Variants in TOM1 observed in about 807,000 individuals in gnomAD.
The protein encoded by TOM1 is target of Myb protein 1.
In TOM1, 38 loss-of-function variants were observed where a neutral mutation model predicts 61.3. The observed-to-expected ratio is 0.62, with a 90% CI of 0.48 to 0.81. The LOEUF (loss-of-function observed/expected upper bound fraction) is 0.81, where lower values mean the gene tolerates loss of function less well. TOM1 is among the 40% of genes least tolerant of loss of function. The probability of loss-of-function intolerance (pLI) is 0.00; values close to 1 mark genes in which losing one functional copy is unlikely to be tolerated. For synonymous variants in TOM1, 270 were observed against 268.8 expected, an observed-to-expected ratio of 1.00 and a Z score of -0.04; for missense variants, 591 against 659.6, an observed-to-expected ratio of 0.90 and a Z score of 1.14.
Position 35,322,616 on chromosome 22 carries a change from G to A in TOM1, c.217-412G>A, listed in dbSNP as rs765005954. 78 of 198,400 alleles carry A rather than the reference G, an allele frequency of 3.9e-4. 1 individual carries two copies. Among genetic ancestry groups the A allele is most frequent in the Admixed American group, 4.0e-4 (7 of 17,340 alleles). The allele number at this position is 198,400 out of a possible 1,614,324, so 12.3% of individuals were successfully genotyped here. A position where few individuals can be genotyped will look rare whatever the true frequency, so the allele number is the denominator to read the frequency against. On this transcript the variant is annotated intron_variant, in intron 3 of 14. Coordinates refer to ENST00000449058, the MANE Select transcript of TOM1 (RefSeq NM_005488.3). ...GCAAAAAGCAAAGGCAATTCCTGCAGTGGGAAGTGGAGAGTGGGGAGGGAA... is the reference window on the plus strand; with the variant it reads ...GCAAAAAGCAAAGGCAATTCCTGCAATGGGAAGTGGAGAGTGGGGAGGGAA...
chr22:35,345,201 GC>G (rs1218528556), intron 12 of TOM1: 1 of 167,666 alleles, frequency 6.0e-6, no homozygotes, highest in African/African-American at 2.4e-5. Context: ...CTGCTCTCAG[GC>G]CCTGCTATGC....
intron 1 of TOM1, among the ~76,000 whole-genome samples, chr22:35,308,060 C>G (rs1263480513): frequency 6.6e-6 from 1 of 152,196 alleles, no homozygotes; most frequent in African/African-American, 2.4e-5. Context: ...CTCCCCAGAA[C>G]AAGAGGGAAC....
intron 8 of TOM1, among the ~76,000 whole-genome samples, chr22:35,332,606 AT>A (rs1240760550): frequency 4.7e-5 from 1 of 21,150 alleles, no homozygotes; most frequent in Non-Finnish European, 9.5e-5. Context: ...ACACACACAC[AT>A]ACACACACAC....
intron 8 of TOM1, 67 bp from the exon 9 acceptor site, chr22:35,332,914 C>T (rs1218497835): frequency 3.3e-6 from 5 of 1,534,342 alleles, no homozygotes; most frequent in Non-Finnish European, 3.6e-6. Context: ...TTGAAAAGCT[C>T]TGCCTGGCCG....
At chr22:35,301,686 G>T (rs898828713) in intron 1 of TOM1, among the ~76,000 whole-genome samples, 30 of 152,190 alleles carry the variant, frequency 2.0e-4, no homozygotes, top group Middle Eastern at 3.4e-3. Flanking sequence ...CGTGGCTGTC[G>T]GTGGCTCTTC....
intron 1 of TOM1, among the ~76,000 whole-genome samples, chr22:35,304,933 G>A (rs141207336): frequency 6.6e-6 from 1 of 152,254 alleles, no homozygotes; most frequent in Non-Finnish European, 1.5e-5. Flanking sequence ...CTGGGGATGA[G>A]CCTCAGTGGT....
chr22:35,327,377 A>T lies in TOM1; in HGVS notation c.755A>T (p.Glu252Val). 1 of 1,612,360 alleles carries T rather than the reference A, an allele frequency of 6.2e-7. No homozygotes were observed. Among genetic ancestry groups the T allele is most frequent in the East Asian group, 2.2e-5 (1 of 44,872 alleles). Residue 252 changes from glutamate (E) to valine (V), a missense_variant, in exon 7 of 15, where the codon GAG becomes GTG. Glu to Val is a moderately radical substitution (Grantham distance 121). Coordinates refer to ENST00000449058, the MANE Select transcript of TOM1 (RefSeq NM_005488.3). ...ACCCAGGCCGAGCCCGCAGACCTGGAGCTGCTGCAGGTGAGCAGGTGGCAC... is the reference window on the plus strand; with the variant it reads ...ACCCAGGCCGAGCCCGCAGACCTGGTGCTGCTGCAGGTGAGCAGGTGGCAC... ...VPTQAEPADL[E>V]LLQELNRTCR...
rs146476454 is a variant in TOM1, at chr22:35,323,907, C to T, written c.641C>T (p.Pro214Leu). 32 of 1,563,172 alleles carry T rather than the reference C, an allele frequency of 2.0e-5. No homozygotes were observed. The highest frequency in any genetic ancestry group is 1.7e-4 in the South Asian group (14 of 83,480). Residue 214 changes from proline to leucine, a missense_variant, in exon 6 of 15, where the codon CCG (proline) becomes CTG (leucine). Physicochemically the swap from Pro to Leu is moderately conservative, Grantham distance 98. Coordinates refer to ENST00000449058, the MANE Select transcript of TOM1 (RefSeq NM_005488.3). This position sits in a 1 kb window ranked among gnomAD's most constrained non-coding sequence, Gnocchi z 4.2. The stretch of plus-strand genomic sequence containing the variant: ...GGTGACACGCCCATAGCACCAACCC[C>T]GGAACAGGTAAACGAGCCTGGGGTC... ...LSGDTPIAPT[P>L]EQIGKLRSEL...
chr22:35,323,189 G>T lies in TOM1; in HGVS notation c.366+12G>T, dbSNP rs369114634. On this transcript the variant is annotated intron_variant, in intron 4 of 14. Transcript: ENST00000449058. The surrounding 1 kb of genome is among the most constrained non-coding windows in gnomAD (Gnocchi z 4.2). ...TCAACCTCATCCAGGTGAGTGCCAG[G>T]ACAGGGCAGGGCACGGCCAGGAAGA... 1.4e-4 allele frequency: 226 copies of T among 1,612,910 alleles called. No individual in the cohort carries two copies. Among genetic ancestry groups the T allele is most frequent in the Non-Finnish European group, 1.8e-4 (217 of 1,179,978 alleles).
intron 12 of TOM1, among the ~76,000 whole-genome samples, chr22:35,340,567 G>A (rs1203473318): frequency 6.6e-6 from 1 of 152,020 alleles, no homozygotes; most frequent in Non-Finnish European, 1.5e-5. Context: ...GGCAACATGG[G>A]GAAACCCCAT....
chr22:35,317,246 G>A (rs1178883427), intron 1 of TOM1, among the ~76,000 whole-genome samples: 1 of 152,190 alleles, frequency 6.6e-6, no homozygotes, highest in Non-Finnish European at 1.5e-5. Context: ...CCAGGCTGGA[G>A]TGTGATGGCT....
chr22:35,345,538 G>A (rs1930431498), intron 12 of TOM1, 187 bp from the exon 13 acceptor site: 1 of 628,166 alleles, frequency 1.6e-6, no homozygotes, highest in Admixed American at 2.5e-5. Flanking sequence ...CCCCTGCTTA[G>A]TCTCCTGGCT....
At chr22:35,346,793 G>T in intron 13 of TOM1, 137 bp from the exon 14 acceptor site, 1 of 775,990 alleles carries the variant, frequency 1.3e-6, no homozygotes, top group Non-Finnish European at 2.1e-6. Flanking sequence ...CTGGGACCTG[G>T]GTGGTGGGGG....
intron 13 of TOM1, 47 bp downstream of exon 13, chr22:35,345,831 T>C (rs2145737681): frequency 6.3e-7 from 1 of 1,599,556 alleles, no homozygotes; most frequent in East Asian, 2.2e-5. Context: ...GGACCCGTTG[T>C]TCTCACCAAG....
At chr22:35,336,999 G>A (rs1929403285) in intron 11 of TOM1, among the ~76,000 whole-genome samples, 1 of 150,354 alleles carries the variant, frequency 6.7e-6, no homozygotes, top group Non-Finnish European at 1.5e-5. Flanking sequence ...GGAGTGCAGT[G>A]GCGCTTGCAG....
At chr22:35,318,231 C>G (rs1030316314) in intron 2 of TOM1, 1 of 545,384 alleles carries the variant, frequency 1.8e-6, no homozygotes, top group Non-Finnish European at 3.3e-6. Flanking sequence ...GGAAGCCCAG[C>G]CTTGTGTGCA....
In TOM1 at chr22:35,323,645, G is replaced by C. The variant is rs767625095; in HGVS notation, c.501+15G>C. ...CACCCCAGAGGGTGAGAGAACTGCC[G>C]TACCGGGAACCAAGGGAAGGGAGGC... On this transcript the variant is annotated intron_variant, in intron 5 of 14. Coordinates refer to ENST00000449058, the MANE Select transcript of TOM1 (RefSeq NM_005488.3). The surrounding 1 kb of genome is among the most constrained non-coding windows in gnomAD (Gnocchi z 4.2). 5.0e-6 allele frequency: 8 copies of C among 1,613,992 alleles called. No individual in the cohort carries two copies.
At chr22:35,320,663 C>T (rs575458930) in intron 2 of TOM1, among the ~76,000 whole-genome samples, 2 of 152,220 alleles carry the variant, frequency 1.3e-5, no homozygotes, top group East Asian at 3.9e-4. Context: ...CTTTTCTGAC[C>T]ACCCCCATCC....
intron 8 of TOM1, among the ~76,000 whole-genome samples, chr22:35,332,646 G>C (rs1317796207): frequency 6.6e-6 from 1 of 151,992 alleles, no homozygotes; most frequent in Non-Finnish European, 1.5e-5. Context: ...AGTTTCATAA[G>C]ACAGTCCTTA....
Sources: gnomAD v4.1 joint callset for allele counts (sites outside exome capture counted in the v4.1 genomes callset) on GRCh38, gnomAD v4.1.1 for gene constraint, Gnocchi (gnomAD v3.1) non-coding constraint, MANE v1.5 for transcripts, NCBI Gene and HGNC (gene_info 2026-07-23, HGNC 2026-07-21) for gene names.